The following SH3D19 variants were observed in gnomAD, a reference collection of about 807,000 sequenced individuals.
The protein encoded by SH3D19 is SH3 domain-containing protein 19.
SH3D19 carries 58 observed loss-of-function variants against 112.1 expected under a neutral mutation model. That is an observed-to-expected ratio of 0.52 (90% CI 0.42 to 0.64). SH3D19 has a LOEUF of 0.64. Ranked by LOEUF, SH3D19 falls within the 30% of genes least tolerant of loss-of-function variation. The probability of loss-of-function intolerance (pLI) is 0.00; values close to 1 mark genes in which losing one functional copy is unlikely to be tolerated. For synonymous variants in SH3D19, 391 were observed against 448.5 expected (o/e 0.87, Z 1.62); for missense variants, 1,090 against 1,263.4 (o/e 0.86, Z 2.08).
intron 1 of SH3D19, among the ~76,000 whole-genome samples, chr4:151,248,166 G>A (rs1286228196): frequency 1.3e-5 from 2 of 151,682 alleles, no homozygotes; most frequent in African/African-American, 2.4e-5. Context: ...ATCTTGCTAT[G>A]TTGCCCAGAC....
At chr4:151,282,988 AAT>A (rs1561429113) in intron 1 of SH3D19, 25 of 707,628 alleles carry the variant, frequency 3.5e-5, no homozygotes, top group Non-Finnish European at 5.2e-5. Flanking sequence ...CCCATAAGCA[AAT>A]ATGATTGGAA....
chr4:151,213,679 A>ATTTATTTATTT (rs1561354169), intron 2 of SH3D19, among the ~76,000 whole-genome samples: 1 of 149,806 alleles, frequency 6.7e-6, no homozygotes, highest in African/African-American at 2.5e-5. Context: ...TTAATTAATT[A>ATTTATTTATTT]ATTAATTAAT....
rs1329603679 is a variant in SH3D19 at position 151,149,633 on chromosome 4, C to A, written c.1756-72G>T. 2.1e-6 allele frequency: 3 copies of A among 1,396,274 alleles called. No homozygotes were observed. The East Asian group carries it at 7.0e-5, about 32-fold the overall frequency. 86.5% of individuals were successfully genotyped at this position (1,396,274 alleles called of 1,614,324 possible). The stretch of plus-strand genomic sequence containing the variant: ...AGAACTTGTCAAGAGAAATTCTAGG[C>A]AACCTTTTGGCTGGATCTACAAGTA... On this transcript the variant is annotated intron_variant, in intron 9 of 19. Coordinates refer to ENST00000604030, the MANE Select transcript of SH3D19 (RefSeq NM_001378122.1).
intron 1 of SH3D19, among the ~76,000 whole-genome samples, chr4:151,303,205 A>AG (rs1728622191): frequency 6.6e-6 from 1 of 152,214 alleles, no homozygotes; most frequent in African/African-American, 2.4e-5. Context: ...GAGTGATTAT[A>AG]GCTTTCACGA....
chr4:151,315,920 C>G (rs943294952), intron 1 of SH3D19, among the ~76,000 whole-genome samples: 4 of 152,170 alleles, frequency 2.6e-5, no homozygotes, highest in Non-Finnish European at 5.9e-5. Flanking sequence ...ACTTCCTTCA[C>G]TTTCTACAGT....
intron 1 of SH3D19, among the ~76,000 whole-genome samples, chr4:151,303,041 T>C (rs1438841985): frequency 6.6e-6 from 1 of 152,212 alleles, no homozygotes; most frequent in African/African-American, 2.4e-5. Flanking sequence ...AAAGAATGCA[T>C]GTCTTCTGAA....
At chr4:151,182,997 TTTTTTTC>T (rs1194638337) in intron 3 of SH3D19, among the ~76,000 whole-genome samples, 6 of 150,770 alleles carry the variant, frequency 4.0e-5, no homozygotes, top group Non-Finnish European at 7.4e-5. Context: ...TTTTTCTTTT[TTTTTTTC>T]TTTTTGAGCT....
At chr4:151,210,920 C>T (rs1371669180) in intron 2 of SH3D19, among the ~76,000 whole-genome samples, 1 of 151,982 alleles carries the variant, frequency 6.6e-6, no homozygotes, top group East Asian at 1.9e-4. Context: ...CTCTGTCACC[C>T]AGGCTGGAGT....
chr4:151,189,325 G>A (rs1762268339), intron 2 of SH3D19, among the ~76,000 whole-genome samples: 6 of 152,056 alleles, frequency 3.9e-5, no homozygotes, highest in Admixed American at 2.6e-4. Context: ...GTGCTAGCCA[G>A]GATGGTCTCG....
At chr4:151,189,481 A>C (rs1232409112) in intron 2 of SH3D19, among the ~76,000 whole-genome samples, 1 of 152,128 alleles carries the variant, frequency 6.6e-6, no homozygotes, top group Non-Finnish European at 1.5e-5. Context: ...TTCATCGTGA[A>C]TTGTAACTCC....
chr4:151,191,517 T>A (rs1386928506), intron 2 of SH3D19, among the ~76,000 whole-genome samples: 1 of 152,166 alleles, frequency 6.6e-6, no homozygotes, highest in Non-Finnish European at 1.5e-5. Context: ...TGTGCTGTTC[T>A]CATGATAGTG....
chr4:151,248,867 A>T (rs991675312), intron 1 of SH3D19, among the ~76,000 whole-genome samples: 1 of 152,226 alleles, frequency 6.6e-6, no homozygotes, highest in Admixed American at 6.5e-5. Context: ...CATACTCCCA[A>T]GATTTCCTTA....
chr4:151,168,479 G>C (rs977377329), intron 7 of SH3D19, among the ~76,000 whole-genome samples: 1 of 150,550 alleles, frequency 6.6e-6, no homozygotes, highest in African/African-American at 2.5e-5. Flanking sequence ...ATTCCACCCA[G>C]GCTGGAGCGC....
intron 1 of SH3D19, among the ~76,000 whole-genome samples, chr4:151,233,196 C>T (rs1385147697): frequency 6.6e-6 from 1 of 151,852 alleles, no homozygotes; most frequent in Non-Finnish European, 1.5e-5. Context: ...AAAACCAGCT[C>T]AGGGCTCCCA....
chr4:151,148,056 C>T lies in SH3D19; in HGVS notation c.1948G>A (p.Asp650Asn), dbSNP rs778859134. The change falls in exon 11 of 20, where the codon GAC becomes AAC. Residue 650 changes from aspartate (D) to asparagine (N), a missense_variant. Coordinates refer to ENST00000604030, the MANE Select transcript of SH3D19 (RefSeq NM_001378122.1). ...CTTTGTTTTTTCTGAAGATCCATGTCAGAAGAGGATCGATTAAAAGGCAGT... is the reference window on the plus strand; with the variant it reads ...CTTTGTTTTTTCTGAAGATCCATGTTAGAAGAGGATCGATTAAAAGGCAGT... ...KKLPFNRSSS[D>N]MDLQKKQSNL... 49 of 1,613,948 alleles carry T rather than the reference C, an allele frequency of 3.0e-5. No individual in the cohort carries two copies. Among genetic ancestry groups the T allele is most frequent in the Non-Finnish European group, 3.4e-6 (4 of 1,180,022 alleles).
At chr4:151,324,674 C>T (rs1460068413) in intron 1 of SH3D19, among the ~76,000 whole-genome samples, 1 of 151,706 alleles carries the variant, frequency 6.6e-6, no homozygotes, top group African/African-American at 2.4e-5. Flanking sequence ...AAATGAATGG[C>T]CTTTTGGAAT....
At chr4:151,147,399 C>T (rs865781363) in intron 11 of SH3D19, among the ~76,000 whole-genome samples, 2 of 149,026 alleles carry the variant, frequency 1.3e-5, no homozygotes, top group Non-Finnish European at 3.0e-5. Context: ...AGCGGCCTGC[C>T]CTGCTTTCTC....
chr4:151,205,847 AAG>A (rs1765026548), intron 2 of SH3D19, among the ~76,000 whole-genome samples: 1 of 152,210 alleles, frequency 6.6e-6, no homozygotes, highest in Middle Eastern at 3.2e-3. Flanking sequence ...GAGATGAAAA[AAG>A]AGTTTACATA....
intron 1 of SH3D19, among the ~76,000 whole-genome samples, chr4:151,239,233 C>A (rs1451921993): frequency 2.6e-5 from 4 of 152,170 alleles, no homozygotes; most frequent in Admixed American, 6.6e-5. Context: ...TGTCTTATTG[C>A]TTCCACTACG....
Sources: allele counts gnomAD v4.1 joint callset (sites outside exome capture counted in the v4.1 genomes callset), GRCh38; gene constraint gnomAD v4.1.1; transcripts MANE v1.5; gene names NCBI Gene and HGNC (gene_info 2026-07-23, HGNC 2026-07-21).